Variants in SGCZ observed in about 807,000 individuals in gnomAD.
SGCZ encodes zeta-sarcoglycan.
Under a neutral mutation model 41.3 loss-of-function variants are expected in SGCZ, and 40 were observed. The observed-to-expected ratio is 0.97, with a 90% CI of 0.75 to 1.26. SGCZ has a LOEUF of 1.26. SGCZ is among the 50% of genes most tolerant of loss of function. SGCZ has a pLI of 0.00. For missense variants in SGCZ, 552 were observed against 369.8 expected (o/e 1.49, Z -4.04); for synonymous variants, 206 against 137.5 (o/e 1.50, Z -3.49).
intron 1 of SGCZ, among the ~76,000 whole-genome samples, chr8:15,097,445 T>C (rs1394940143): frequency 1.3e-5 from 2 of 151,606 alleles, no homozygotes; most frequent in Admixed American, 6.6e-5. Context: ...TTGCTGAGTG[T>C]GAAAAAAAAA....
At chr8:14,365,236 T>A (rs142237528) in intron 2 of SGCZ, among the ~76,000 whole-genome samples, 113 of 152,216 alleles carry the variant, frequency 7.4e-4, no homozygotes, top group African/African-American at 2.5e-3. Context: ...TAAAAATGCA[T>A]TTATTGTCTC....
At chr8:14,593,264 C>T (rs1805297503) in intron 1 of SGCZ, among the ~76,000 whole-genome samples, 2 of 152,148 alleles carry the variant, frequency 1.3e-5, no homozygotes, top group Admixed American at 1.3e-4. Context: ...AGCAGATAGA[C>T]AATGATGAGA....
At chr8:15,005,186 G>C (rs1802560449) in intron 1 of SGCZ, among the ~76,000 whole-genome samples, 1 of 152,062 alleles carries the variant, frequency 6.6e-6, no homozygotes, top group African/African-American at 2.4e-5. Context: ...TCTGAATGTG[G>C]AGAGGCATCA....
At chr8:14,146,890 A>AAAAAAAAAAAAAAAAAAAAT (rs1182329393) in intron 5 of SGCZ, among the ~76,000 whole-genome samples, 1 of 116,174 alleles carries the variant, frequency 8.6e-6, no homozygotes, top group African/African-American at 3.6e-5. Context: ...AAAATAAAAA[A>AAAAAAAAAAAAAAAAAAAAT]AATAATAATA....
intron 1 of SGCZ, among the ~76,000 whole-genome samples, chr8:14,724,201 T>C (rs1165595932): frequency 6.6e-6 from 1 of 152,134 alleles, no homozygotes; most frequent in Admixed American, 6.6e-5. Flanking sequence ...GAATGTTGTG[T>C]TCTGCTGTAC....
chr8:15,018,827 C>T (rs569378376), intron 1 of SGCZ, among the ~76,000 whole-genome samples: 7 of 152,174 alleles, frequency 4.6e-5, no homozygotes, highest in Non-Finnish European at 1.0e-4. Flanking sequence ...CATGCTTCCA[C>T]AGGCTGTACA....
chr8:14,195,620 A>G (rs1805242710), intron 4 of SGCZ, among the ~76,000 whole-genome samples: 1 of 152,176 alleles, frequency 6.6e-6, no homozygotes, highest in African/African-American at 2.4e-5. Flanking sequence ...AATGCTGAAA[A>G]TCAGTGATGG....
intron 2 of SGCZ, among the ~76,000 whole-genome samples, chr8:14,489,549 G>C (rs1042890736): frequency 1.3e-5 from 2 of 151,924 alleles, no homozygotes; most frequent in Non-Finnish European, 2.9e-5. Flanking sequence ...AAAAAAGGGA[G>C]ATGGTCTGGC....
chr8:14,328,973 A>C (rs1802221612), intron 2 of SGCZ, among the ~76,000 whole-genome samples: 2 of 152,224 alleles, frequency 1.3e-5, no homozygotes, highest in Admixed American at 6.5e-5. Flanking sequence ...ACTTGGAAGC[A>C]AACAGCAGCC....
At chr8:15,111,379 G>A (rs935106239) in intron 1 of SGCZ, among the ~76,000 whole-genome samples, 5 of 152,156 alleles carry the variant, frequency 3.3e-5, no homozygotes, top group African/African-American at 4.8e-5. Context: ...GGCCAAGCGT[G>A]GACCATCCCT....
chr8:14,864,778 T>C (rs559306394), intron 1 of SGCZ, among the ~76,000 whole-genome samples: 70 of 152,250 alleles, frequency 4.6e-4, no homozygotes, highest in African/African-American at 1.6e-3. Context: ...AACTAATTTG[T>C]ATTCCCACCA....
chr8:14,563,447 C>G (rs1056728434), intron 1 of SGCZ, among the ~76,000 whole-genome samples: 1 of 152,142 alleles, frequency 6.6e-6, no homozygotes, highest in Non-Finnish European at 1.5e-5. Context: ...TGTACAATGC[C>G]TAAGACAATT....
intron 1 of SGCZ, among the ~76,000 whole-genome samples, chr8:14,801,310 T>A (rs1801315101): frequency 6.6e-6 from 1 of 152,236 alleles, no homozygotes; most frequent in South Asian, 2.1e-4. Flanking sequence ...GATATTTGAA[T>A]ATGTAATCTC....
intron 5 of SGCZ, among the ~76,000 whole-genome samples, chr8:14,126,919 G>A: frequency 6.6e-6 from 1 of 152,018 alleles, no homozygotes; most frequent in Non-Finnish European, 1.5e-5. Flanking sequence ...ATATATGGGA[G>A]CTGAACAATG....
intron 2 of SGCZ, among the ~76,000 whole-genome samples, chr8:14,348,513 A>C (rs927241138): frequency 3.9e-5 from 6 of 152,146 alleles, no homozygotes; most frequent in Non-Finnish European, 8.8e-5. Flanking sequence ...CTAATCCCAT[A>C]GATTGAAATG....
At chr8:15,140,025 T>C (rs1808263981) in intron 1 of SGCZ, among the ~76,000 whole-genome samples, 1 of 149,920 alleles carries the variant, frequency 6.7e-6, no homozygotes, top group Non-Finnish European at 1.5e-5. Flanking sequence ...TATAAAGCCT[T>C]TTTTTTTTAT....
At chr8:14,391,898 C>G (rs1055265650) in intron 2 of SGCZ, among the ~76,000 whole-genome samples, 1 of 152,060 alleles carries the variant, frequency 6.6e-6, no homozygotes, top group African/African-American at 2.4e-5. Flanking sequence ...CTGCCATGTC[C>G]TGCTCCTGCC....
At chr8:14,709,561 C>G (rs920500919) in intron 1 of SGCZ, among the ~76,000 whole-genome samples, 1 of 151,920 alleles carries the variant, frequency 6.6e-6, no homozygotes, top group African/African-American at 2.4e-5. Flanking sequence ...TCGCTTGTTA[C>G]GGCATAAGCA....
intron 1 of SGCZ, among the ~76,000 whole-genome samples, chr8:14,633,514 A>T (rs1194712786): frequency 6.6e-6 from 1 of 151,600 alleles, no homozygotes. Context: ...TTTATTAGCA[A>T]GCATTCCTTT....
Sources: gnomAD v4.1 joint callset for allele counts (sites outside exome capture counted in the v4.1 genomes callset) on GRCh38, gnomAD v4.1.1 for gene constraint, MANE v1.5 for transcripts, NCBI Gene and HGNC (gene_info 2026-07-23, HGNC 2026-07-21) for gene names.